Variants in RBFOX1 observed in about 807,000 individuals in gnomAD.
The protein encoded by RBFOX1 is RNA binding protein fox-1 homolog 1.
RBFOX1 carries 8 observed loss-of-function variants against 57.7 expected under a neutral mutation model. The ratio of observed to expected loss-of-function variants is 0.14; its 90% CI spans 0.08 to 0.25. RBFOX1 has a LOEUF of 0.25. RBFOX1 is among the 10% of genes least tolerant of loss of function. The probability of loss-of-function intolerance (pLI) is 1.00; values close to 1 mark genes in which losing one functional copy is unlikely to be tolerated. For synonymous variants in RBFOX1, 326 were observed against 222.4 expected, an observed-to-expected ratio of 1.47 and a Z score of -4.15; for missense variants, 611 against 548.5, an observed-to-expected ratio of 1.11 and a Z score of -1.14.
chr16:6,290,300 C>A (rs894497804), intron 1 of RBFOX1, among the ~76,000 whole-genome samples: 3 of 148,034 alleles, frequency 2.0e-5, no homozygotes, highest in Non-Finnish European at 4.4e-5. Flanking sequence ...AAAGAGGAAA[C>A]AAGATCATTA....
At chr16:6,408,906 T>C (rs34104674) in intron 2 of RBFOX1, among the ~76,000 whole-genome samples, 3,670 of 152,280 alleles carry the variant, frequency 0.024, 58 homozygotes, top group Non-Finnish European at 0.038. Flanking sequence ...TAATTAATCA[T>C]TGCATGAATT....
At chr16:5,581,164 C>T (rs962759374) in intron 2 of RBFOX1, among the ~76,000 whole-genome samples, 2 of 151,408 alleles carry the variant, frequency 1.3e-5, no homozygotes, top group Non-Finnish European at 2.9e-5. Flanking sequence ...CTCCTATGTG[C>T]ATTTTTTTTT....
intron 4 of RBFOX1, among the ~76,000 whole-genome samples, chr16:5,955,659 CTGAT>C (rs1212030207): frequency 6.6e-6 from 1 of 152,106 alleles, no homozygotes; most frequent in African/African-American, 2.4e-5. Context: ...GAGGGAAAAA[CTGAT>C]AGACTTCACC....
chr16:5,278,767 G>C (rs1481201536), intron 1 of RBFOX1, among the ~76,000 whole-genome samples: 1 of 152,202 alleles, frequency 6.6e-6, no homozygotes, highest in Non-Finnish European at 1.5e-5. Context: ...ATTTTTGTAA[G>C]TGATGAGAGA....
At chr16:7,688,080 C>G (rs1045905331) in intron 14 of RBFOX1, among the ~76,000 whole-genome samples, 3 of 152,004 alleles carry the variant, frequency 2.0e-5, no homozygotes, top group African/African-American at 7.2e-5. Flanking sequence ...GCCTTATAAA[C>G]AACAGATATC....
rs960156145 is a variant in RBFOX1, at chr16:5,542,242, TG to T, written c.259-56659del. On this transcript the variant is annotated intron_variant, in intron 2 of 2. Coordinates refer to the RBFOX1 transcript ENST00000585867. ...CATTTCAATTTAATAACACAGGTAT[TG>T]ATTTTTTTTTTTTTTTTTTTTTTGA... Among the ~76,000 whole-genome samples the T allele has an allele frequency of 5.8e-5, 8 of 137,142 alleles. 1 individual carries two copies. Among genetic ancestry groups the T allele is most frequent in the Non-Finnish European group, 9.3e-5 (6 of 64,456 alleles). The allele number at this position is 137,142 out of a possible 152,430, so 90.0% of individuals were successfully genotyped here. A position where few individuals can be genotyped will look rare whatever the true frequency, so the allele number is the denominator to read the frequency against.
chr16:5,610,683 T>G (rs1400062259), intron 3 of RBFOX1: 2 of 97,088 alleles, frequency 2.1e-5, no homozygotes, highest in Non-Finnish European at 5.4e-5. Flanking sequence ...CTCTATAAAA[T>G]CAGAAAATTA....
intron 5 of RBFOX1, among the ~76,000 whole-genome samples, chr16:7,521,232 G>A (rs187757958): frequency 6.6e-6 from 1 of 152,280 alleles, no homozygotes; most frequent in Admixed American, 6.5e-5. Flanking sequence ...CTAAGAAGAG[G>A]CCAGTATGTT....
At chr16:5,934,029 G>A (rs1473260388) in intron 4 of RBFOX1, among the ~76,000 whole-genome samples, 1 of 152,114 alleles carries the variant, frequency 6.6e-6, no homozygotes, top group African/African-American at 2.4e-5. Flanking sequence ...TTATAAGTGA[G>A]AACATGTGAC....
intron 14 of RBFOX1, among the ~76,000 whole-genome samples, chr16:7,679,370 G>A (rs1335034829): frequency 1.3e-5 from 2 of 152,160 alleles, no homozygotes; most frequent in Admixed American, 6.6e-5. Context: ...AGTAAGTGAT[G>A]GAAGCTTAGT....
chr16:6,664,178 T>A (rs183776797), intron 3 of RBFOX1, among the ~76,000 whole-genome samples: 1 of 152,230 alleles, frequency 6.6e-6, no homozygotes, highest in Admixed American at 6.5e-5. Context: ...AGCCAAGGAA[T>A]GGGACAAAGA....
chr16:5,262,464 G>C (rs1389552485), intron 1 of RBFOX1, among the ~76,000 whole-genome samples: 1 of 152,210 alleles, frequency 6.6e-6, no homozygotes, highest in Non-Finnish European at 1.5e-5. Context: ...TATTTGAGCT[G>C]GGACATCAAT....
intron 3 of RBFOX1, among the ~76,000 whole-genome samples, chr16:6,750,606 T>C (rs141107460): frequency 3.6e-4 from 55 of 152,312 alleles, no homozygotes; most frequent in African/African-American, 1.2e-3. Context: ...CCATCAGAGA[T>C]ATTTTGAAAG....
intron 3 of RBFOX1, among the ~76,000 whole-genome samples, chr16:6,907,349 C>A (rs546266122): frequency 8.5e-5 from 13 of 152,210 alleles, no homozygotes; most frequent in African/African-American, 2.4e-4. Context: ...AACAGTGTAT[C>A]GAGCTGTCCT....
intron 3 of RBFOX1, among the ~76,000 whole-genome samples, chr16:5,780,912 C>T (rs916872930): frequency 6.6e-6 from 1 of 152,212 alleles, no homozygotes; most frequent in East Asian, 1.9e-4. Flanking sequence ...TATACCGTGT[C>T]TAGAAAGAGC....
At chr16:7,459,243 C>G (rs2059113073) in intron 4 of RBFOX1, among the ~76,000 whole-genome samples, 1 of 152,098 alleles carries the variant, frequency 6.6e-6, no homozygotes, top group Non-Finnish European at 1.5e-5. Context: ...TCTCTACTTT[C>G]TAGACATTGA....
chr16:6,236,711 A>G (rs974371323), intron 1 of RBFOX1, among the ~76,000 whole-genome samples: 50 of 152,146 alleles, frequency 3.3e-4, no homozygotes, highest in African/African-American at 1.1e-3. Flanking sequence ...TCAGACTCCT[A>G]AAGTGCTGGG....
chr16:7,004,689 G>A (rs756559677), intron 3 of RBFOX1, among the ~76,000 whole-genome samples: 2 of 152,184 alleles, frequency 1.3e-5, no homozygotes, highest in African/African-American at 2.4e-5. Flanking sequence ...ATATACAAAA[G>A]CCACATCATA....
intron 4 of RBFOX1, among the ~76,000 whole-genome samples, chr16:7,313,007 C>A (rs1420252979): frequency 6.6e-6 from 1 of 152,080 alleles, no homozygotes; most frequent in African/African-American, 2.4e-5. Flanking sequence ...CGTGCATTTT[C>A]ATGCCCTGGA....
Sources: gnomAD v4.1 joint callset for allele counts (sites outside exome capture counted in the v4.1 genomes callset) on GRCh38, gnomAD v4.1.1 for gene constraint, MANE v1.5 for transcripts, NCBI Gene and HGNC (gene_info 2026-07-23, HGNC 2026-07-21) for gene names.